RBFOX3: variants seen among roughly 807,000 people sequenced by gnomAD.
RBFOX3 encodes the protein RNA binding protein fox-1 homolog 3.
In RBFOX3, 17 loss-of-function variants were observed where a neutral mutation model predicts 48.7. The ratio of observed to expected loss-of-function variants is 0.35; its 90% CI spans 0.24 to 0.52. The LOEUF (loss-of-function observed/expected upper bound fraction) is 0.52, where lower values mean the gene tolerates loss of function less well. Among genes scored for constraint, RBFOX3 ranks in the 20% least tolerant of loss-of-function variants. The pLI, the probability that RBFOX3 is intolerant of heterozygous loss-of-function variation, is 0.94. For synonymous variants in RBFOX3, 212 were observed against 209.5 expected, an observed-to-expected ratio of 1.01 and a Z score of -0.10; for missense variants, 382 against 497.5, an observed-to-expected ratio of 0.77 and a Z score of 2.21.
chr17:79,611,129 C>T (rs2093960348), upstream of RBFOX3, among the ~76,000 whole-genome samples: 1 of 40,482 alleles, frequency 2.5e-5, no homozygotes, highest in African/African-American at 8.3e-5. Context: ...CTCCGCCCTC[C>T]TTCTCTCTCT....
intron 4 of RBFOX3, among the ~76,000 whole-genome samples, chr17:79,166,078 G>A (rs1035203388): frequency 2.0e-4 from 30 of 152,234 alleles, no homozygotes; most frequent in African/African-American, 6.0e-4. Context: ...CCCGGCGTGC[G>A]GCAGAGTTGT....
chr17:79,511,582 G>A (rs960839810), intron 1 of RBFOX3, among the ~76,000 whole-genome samples: 1 of 152,158 alleles, frequency 6.6e-6, no homozygotes, highest in Admixed American at 6.5e-5. Flanking sequence ...GCAGTGAACC[G>A]TGATGTCAGG....
chr17:79,105,897 C>T (rs751249530), intron 6 of RBFOX3, among the ~76,000 whole-genome samples: 1 of 151,832 alleles, frequency 6.6e-6, no homozygotes, highest in Admixed American at 6.6e-5. Context: ...CAGCTGCTGC[C>T]GCTCACCCAC....
intron 9 of RBFOX3, among the ~76,000 whole-genome samples, chr17:79,101,322 A>G (rs1320425358): frequency 6.6e-6 from 1 of 152,200 alleles, no homozygotes; most frequent in Non-Finnish European, 1.5e-5. Context: ...TCTGGGGGCC[A>G]GGCACGCCTG....
rs556386451 is a variant in RBFOX3, at chr17:79,253,289, G to A, written c.-73-17484C>T. Among the ~76,000 whole-genome samples the A allele has an allele frequency of 6.9e-4, 105 of 152,088 alleles. 1 individual carries two copies. Among genetic ancestry groups the A allele is most frequent in the Non-Finnish European group, 7.4e-5 (5 of 67,994 alleles). ...ACACATCCGGACACAAAGCCGGGGA[G>A]GACTCGAATTAATTTAACTTTTAAT... is the stretch of plus-strand genomic sequence containing the variant. On this transcript the variant is annotated intron_variant, in intron 3 of 14. Coordinates refer to ENST00000693108, the MANE Select transcript of RBFOX3 (RefSeq NM_001350451.2).
intron 1 of RBFOX3, among the ~76,000 whole-genome samples, chr17:79,505,392 G>C (rs2082956681): frequency 6.6e-6 from 1 of 152,090 alleles, no homozygotes; most frequent in African/African-American, 2.4e-5. Context: ...TCTCCCCTGG[G>C]CTGGAGACCC....
rs190739605 is a variant in RBFOX3 at position 79,150,307 on chromosome 17, G to A, written c.-33-34559C>T. ...CCAGGCCACTCTGCTTGGGTAGGAC[G>A]CTCTGGGTCAAGGGGCAGAGTGGCT... On this transcript the variant is annotated intron_variant, in intron 4 of 14. Transcript: ENST00000693108. Among the ~76,000 whole-genome samples, 687 of 152,116 alleles carry A rather than the reference G, an allele frequency of 4.5e-3. 6 individuals carry two copies. The highest frequency in any genetic ancestry group is 0.017 in the Middle Eastern group (5 of 292).
At chr17:79,113,238 G>C (rs939205251) in intron 5 of RBFOX3, among the ~76,000 whole-genome samples, 2 of 152,112 alleles carry the variant, frequency 1.3e-5, no homozygotes, top group African/African-American at 4.8e-5. Context: ...GGAGGAAGGA[G>C]CTCCTGGAAT....
In RBFOX3 at chr17:79,471,025, C is replaced by T. The variant is rs1217667670; in HGVS notation, c.-175+11429G>A. Among the ~76,000 whole-genome samples the T allele has an allele frequency of 6.6e-6, 1 of 152,186 alleles. No homozygotes were observed. Among genetic ancestry groups the T allele is most frequent in the African/African-American group, 2.4e-5 (1 of 41,424 alleles). ...TGATGCACCACCACGAAAAAAATAACAGCAGAACCAGCCCTTCCTTTCTAT... is the reference window on the plus strand; with the variant it reads ...TGATGCACCACCACGAAAAAAATAATAGCAGAACCAGCCCTTCCTTTCTAT... On this transcript the variant is annotated intron_variant, in intron 2 of 14. Coordinates refer to ENST00000693108, the MANE Select transcript of RBFOX3 (RefSeq NM_001350451.2). The surrounding 1 kb of genome is among the most constrained non-coding windows in gnomAD (Gnocchi z 4.0).
Position 79,090,495 on chromosome 17 carries a change from C to A in RBFOX3, c.*388G>T. The A allele has an allele frequency of 4.3e-6, 1 of 230,290 alleles. No homozygotes were observed. The highest frequency in any genetic ancestry group is 8.5e-6 in the Non-Finnish European group (1 of 118,092). The allele number at this position is 230,290 out of a possible 1,614,324, so 14.3% of individuals were successfully genotyped here. On this transcript the variant is annotated 3_prime_UTR_variant, in exon 15 of 15. Coordinates refer to ENST00000693108, the MANE Select transcript of RBFOX3 (RefSeq NM_001350451.2). ...GGCCTGCTCCGCCGCCGCTGGGCTC[C>A]ACACTGTCTGTCTTGGGAGTTGGGG...
intron 3 of RBFOX3, among the ~76,000 whole-genome samples, chr17:79,294,731 G>A (rs2074041646): frequency 6.6e-6 from 1 of 152,180 alleles, no homozygotes; most frequent in Non-Finnish European, 1.5e-5. Context: ...TGGGGGCCAC[G>A]TGGAGGAGGC....
At chr17:79,155,077 A>G (rs1023633424) in intron 4 of RBFOX3, among the ~76,000 whole-genome samples, 3 of 152,220 alleles carry the variant, frequency 2.0e-5, no homozygotes, top group Non-Finnish European at 4.4e-5. Flanking sequence ...CCTCCCTGCC[A>G]CGGCACGTGA....
At chr17:79,509,576 A>G (rs2083784636) in intron 1 of RBFOX3, among the ~76,000 whole-genome samples, 1 of 152,164 alleles carries the variant, frequency 6.6e-6, no homozygotes, top group Non-Finnish European at 1.5e-5. Context: ...CTAAATGGCC[A>G]TACCATTCCC....
At chr17:79,489,396 G>A (rs113680710) in intron 1 of RBFOX3, among the ~76,000 whole-genome samples, 41,574 of 152,022 alleles carry the variant, frequency 0.27, 5,833 homozygotes, top group Middle Eastern at 0.33. Flanking sequence ...CCAGGCTCAA[G>A]CAATCCTCCT....
At chr17:79,596,343 G>A (rs2093569083) in intron 1 of RBFOX3, among the ~76,000 whole-genome samples, 1 of 152,186 alleles carries the variant, frequency 6.6e-6, no homozygotes, top group African/African-American at 2.4e-5. Context: ...AGATCAGCGG[G>A]GTCCTTGTTC....
Position 79,090,682 on chromosome 17 carries a change from G to A in RBFOX3, c.*201C>T, listed in dbSNP as rs192516824. 0.017 allele frequency: 11,216 copies of A among 646,496 alleles called. 129 individuals carry two copies. Among genetic ancestry groups the A allele is most frequent in the Non-Finnish European group, 0.021 (7,989 of 382,124 alleles). The allele number at this position is 646,496 out of a possible 1,614,324, so 40.0% of individuals were successfully genotyped here. On this transcript the variant is annotated 3_prime_UTR_variant, in exon 15 of 15. Transcript: ENST00000693108. ...CCGTCCTGTCCTGGGGCCGCTCCTC[G>A]GCGCCCCTGCCGGCGTGCTCCCTCG...
chr17:79,484,743 C>G (rs2149519076), intron 1 of RBFOX3, among the ~76,000 whole-genome samples: 1 of 152,172 alleles, frequency 6.6e-6, no homozygotes. Context: ...TCAGCAGGAG[C>G]ACAAAAGGCA....
intron 5 of RBFOX3, 42 bp from the exon 6 acceptor site, chr17:79,106,830 C>T (rs367967408): frequency 4.8e-5 from 71 of 1,477,510 alleles, no homozygotes; most frequent in Middle Eastern, 1.8e-4. Flanking sequence ...CCTCTGTGTG[C>T]GGGGTTGCCC....
intron 2 of RBFOX3, among the ~76,000 whole-genome samples, chr17:79,351,415 T>C (rs2083917511): frequency 6.6e-6 from 1 of 152,160 alleles, no homozygotes; most frequent in South Asian, 2.1e-4. Flanking sequence ...TCCTTGCCCA[T>C]TCTTGCTTTT....
Sources: gnomAD v4.1 joint callset for allele counts (sites outside exome capture counted in the v4.1 genomes callset) on GRCh38, gnomAD v4.1.1 for gene constraint, Gnocchi (gnomAD v3.1) non-coding constraint, MANE v1.5 for transcripts, NCBI Gene and HGNC (gene_info 2026-07-23, HGNC 2026-07-21) for gene names.